SLC25A26: variants seen among roughly 807,000 people sequenced by gnomAD.
SLC25A26 encodes solute carrier family 25 member 26.
A neutral mutation model predicts 37.8 loss-of-function variants in SLC25A26; 36 were observed. That is an observed-to-expected ratio of 0.95 (90% CI 0.73 to 1.26). The LOEUF (loss-of-function observed/expected upper bound fraction) is 1.26. Ranked by LOEUF, SLC25A26 falls within the 50% of genes most tolerant of loss-of-function variation. The pLI is 0.00. For missense variants in SLC25A26, 390 were observed against 331.1 expected (o/e 1.18, Z -1.38); for synonymous variants, 129 against 122.5 (o/e 1.05, Z -0.35).
At chr3:66,139,600 G>C (rs2070004031) in intron 1 of SLC25A26, among the ~76,000 whole-genome samples, 1 of 152,170 alleles carries the variant, frequency 6.6e-6, no homozygotes, top group Admixed American at 6.5e-5. Flanking sequence ...GAGGGAGGCT[G>C]CCTGTATCAC....
chr3:66,167,017 C>T (rs148226703), intron 1 of SLC25A26, among the ~76,000 whole-genome samples: 1 of 152,314 alleles, frequency 6.6e-6, no homozygotes, highest in East Asian at 1.9e-4. Context: ...CTTCTCTTGT[C>T]TGCCACCATG....
chr3:66,152,579 T>TCC (rs2070223104), intron 1 of SLC25A26, among the ~76,000 whole-genome samples: 1 of 151,972 alleles, frequency 6.6e-6, no homozygotes, highest in Non-Finnish European at 1.5e-5. Flanking sequence ...TTTCCAGCTG[T>TCC]CACATCTCCA....
chr3:66,172,410 G>GAAAAAAAAAAAAAAAAAAAAAAAA (rs1199322248), intron 1 of SLC25A26, among the ~76,000 whole-genome samples: 5 of 75,204 alleles, frequency 6.6e-5, no homozygotes, highest in African/African-American at 2.0e-4. Flanking sequence ...TACCTGTAAA[G>GAAAAAAAAAAAAAAAAAAAAAAAA]AAAAAAAAAA....
At chr3:66,164,156 T>C (rs1213441556) in intron 1 of SLC25A26, among the ~76,000 whole-genome samples, 1 of 152,188 alleles carries the variant, frequency 6.6e-6, no homozygotes, top group Non-Finnish European at 1.5e-5. Context: ...AAAATTTTAT[T>C]ATCTAGAGGG....
intron 5 of SLC25A26, among the ~76,000 whole-genome samples, chr3:66,291,412 T>C (rs1233739590): frequency 1.3e-5 from 2 of 152,200 alleles, no homozygotes; most frequent in African/African-American, 4.8e-5. Context: ...CTATTTTAGA[T>C]CTTTCCTGCT....
chr3:66,188,152 CACCATGTCCTTGATCCCGTGCTTG>C (rs2070866572), intron 1 of SLC25A26, among the ~76,000 whole-genome samples: 1 of 152,124 alleles, frequency 6.6e-6, no homozygotes, highest in African/African-American at 2.4e-5. Flanking sequence ...ATCATGACCT[CACCATGTCCTTGATCCCGTGCTTG>C]ACCTTGTCCC....
intron 1 of SLC25A26, among the ~76,000 whole-genome samples, chr3:66,140,587 G>A (rs28522951): frequency 0.47 from 72,212 of 152,042 alleles, 17,777 homozygotes; most frequent in African/African-American, 0.6. Flanking sequence ...GAAAATGTCC[G>A]TAAATCTGTT....
intron 2 of SLC25A26, among the ~76,000 whole-genome samples, chr3:66,241,177 G>A (rs149407378): frequency 0.14 from 20,872 of 151,930 alleles, 1,615 homozygotes; most frequent in East Asian, 0.31. Context: ...GGACCTGTGC[G>A]TTTAAACCCG....
At chr3:66,221,304 A>G (rs989813231) in intron 1 of SLC25A26, 177 bp downstream of exon 1, 16 of 232,632 alleles carry the variant, frequency 6.9e-5, no homozygotes, top group Non-Finnish European at 1.1e-4. Context: ...GCCAGGTGTT[A>G]AGGCTATGTC....
At chr3:66,247,058 G>GT (rs1454347589) in intron 3 of SLC25A26, among the ~76,000 whole-genome samples, 10 of 151,752 alleles carry the variant, frequency 6.6e-5, no homozygotes, top group Non-Finnish European at 1.3e-4. Context: ...TAGAGACGGG[G>GT]TTTCACCATG....
In SLC25A26 at chr3:66,362,908, G is replaced by T. The variant is rs751973282; in HGVS notation, c.547G>T (p.Ala183Ser). 6.2e-6 allele frequency: 10 copies of T among 1,607,764 alleles called. No individual in the cohort carries two copies. In the African/African-American group the frequency reaches 1.3e-4, roughly 22 times the overall value. ...QDHVVDSWQS[A>S]VCGAFAGGFA... is the part of the protein sequence containing the mutation. ...TCATGTGGTGGATTCTTGGCAGTCA[G>T]CAGTCTGTGGAGCTTTTGCAGGTGC... The change falls in exon 7 of 10, where the codon GCA becomes TCA. Residue 183 changes from alanine to serine, a missense_variant. Ala to Ser is a moderately conservative substitution (Grantham distance 99). Transcript: ENST00000354883.
At chr3:66,299,900 T>C (rs1366299641) in intron 5 of SLC25A26, among the ~76,000 whole-genome samples, 1 of 152,192 alleles carries the variant, frequency 6.6e-6, no homozygotes. Flanking sequence ...ATGGGTGACA[T>C]ATTTGGCTAT....
chr3:66,245,468 A>G (rs2072789023), intron 3 of SLC25A26, among the ~76,000 whole-genome samples: 1 of 152,190 alleles, frequency 6.6e-6, no homozygotes, highest in African/African-American at 2.4e-5. Context: ...TGTGATGGGC[A>G]TAATAGAAAT....
intron 1 of SLC25A26, among the ~76,000 whole-genome samples, chr3:66,178,749 GT>G (rs2070638500): frequency 6.6e-6 from 1 of 152,082 alleles, no homozygotes; most frequent in African/African-American, 2.4e-5. Context: ...GATGGAAATT[GT>G]TTTAAAAATT....
chr3:66,158,948 A>G, intron 1 of SLC25A26, among the ~76,000 whole-genome samples: 1 of 152,090 alleles, frequency 6.6e-6, no homozygotes, highest in African/African-American at 2.4e-5. Flanking sequence ...CTTCCCCCAT[A>G]CTGTGGGACA....
At chr3:66,369,354 C>G in intron 7 of SLC25A26, 124 bp from the exon 8 acceptor site, 1 of 754,110 alleles carries the variant, frequency 1.3e-6, no homozygotes, top group Non-Finnish European at 2.3e-6. Context: ...TGTGTGCATC[C>G]TGTTCTTCAA....
At chr3:66,208,870 G>GTATATA (rs1553655942) in intron 1 of SLC25A26, among the ~76,000 whole-genome samples, 1,265 of 55,886 alleles carry the variant, frequency 0.023, 57 homozygotes, top group South Asian at 0.057. Flanking sequence ...ATGGGTGTGT[G>GTATATA]TATATATATA....
chr3:66,374,956 A>C (rs1241052737), intron 9 of SLC25A26, among the ~76,000 whole-genome samples: 1 of 152,246 alleles, frequency 6.6e-6, no homozygotes, highest in African/African-American at 2.4e-5. Flanking sequence ...GAAAGCTGAG[A>C]TAGGCCAGAA....
At chr3:66,199,614 C>T (rs1343808883) in intron 1 of SLC25A26, among the ~76,000 whole-genome samples, 1 of 152,078 alleles carries the variant, frequency 6.6e-6, no homozygotes, top group African/African-American at 2.4e-5. Context: ...CCCTCTGATA[C>T]TGATCCTGAA....
Sources: gnomAD v4.1 joint callset for allele counts (sites outside exome capture counted in the v4.1 genomes callset) on GRCh38, gnomAD v4.1.1 for gene constraint, MANE v1.5 for transcripts, NCBI Gene and HGNC (gene_info 2026-07-23, HGNC 2026-07-21) for gene names.